HDLBP: variants seen among roughly 807,000 people sequenced by gnomAD.
HDLBP encodes vigilin.
HDLBP carries 30 observed loss-of-function variants against 137.3 expected under a neutral mutation model. That is an observed-to-expected ratio of 0.22 (90% CI 0.16 to 0.30). The LOEUF (loss-of-function observed/expected upper bound fraction) is 0.30. Among genes scored for constraint, HDLBP ranks in the 10% least tolerant of loss-of-function variants. HDLBP has a pLI of 1.00. For synonymous variants in HDLBP, 606 were observed against 596.0 expected, an observed-to-expected ratio of 1.02 and a Z score of -0.24; for missense variants, 1,119 against 1,667.3, an observed-to-expected ratio of 0.67 and a Z score of 5.73.
At chr2:241,290,862 A>ATAT (rs1219617917) in intron 1 of HDLBP, among the ~76,000 whole-genome samples, 2 of 152,270 alleles carry the variant, frequency 1.3e-5, no homozygotes, top group South Asian at 2.1e-4. Flanking sequence ...ATTTGACAAT[A>ATAT]TATTCCAAAT....
chr2:241,294,767 TAC>T (rs948660024), intron 1 of HDLBP, among the ~76,000 whole-genome samples: 2 of 152,172 alleles, frequency 1.3e-5, no homozygotes, highest in African/African-American at 4.8e-5. Flanking sequence ...GTTCTAGGGA[TAC>T]AGTTTTAAAA....
chr2:241,270,704 C>T (rs990661463), intron 1 of HDLBP, among the ~76,000 whole-genome samples: 9 of 152,196 alleles, frequency 5.9e-5, no homozygotes, highest in Non-Finnish European at 8.8e-5. Flanking sequence ...ATGTCCACCC[C>T]GCACTGCTAC....
At chr2:241,263,453 C>G (rs952210196) in intron 4 of HDLBP, among the ~76,000 whole-genome samples, 7 of 152,036 alleles carry the variant, frequency 4.6e-5, no homozygotes, top group African/African-American at 1.5e-4. Flanking sequence ...GGGTCCCTCC[C>G]GTTGCTTTAT....
intron 1 of HDLBP, among the ~76,000 whole-genome samples, chr2:241,285,459 G>A (rs2074767858): frequency 1.3e-5 from 2 of 152,090 alleles, no homozygotes; most frequent in African/African-American, 2.4e-5. Context: ...CTCCATAAAC[G>A]ACCTGATGAA....
chr2:241,267,835 C>A lies in HDLBP; in HGVS notation c.-38+642G>T, dbSNP rs1039595218. ...ATCCCTCCAGGTGTGGGACAGAACT[C>A]GCACAGCAGGGGAAACCTGGCCCAA... On this transcript the variant is annotated intron_variant, in intron 2 of 27. Coordinates refer to ENST00000310931, the MANE Select transcript of HDLBP (RefSeq NM_005336.6). 2.8e-6 allele frequency: 4 copies of A among 1,442,460 alleles called. No homozygotes were observed. In the African/African-American group the frequency reaches 5.7e-5, roughly 20 times the overall value. The allele number at this position is 1,442,460 out of a possible 1,614,324, so 89.4% of individuals were successfully genotyped here. A position where few individuals can be genotyped will look rare whatever the true frequency, so the allele number is the denominator to read the frequency against.
chr2:241,237,471 GATGTAAATAA>G (rs1266718077), intron 20 of HDLBP, among the ~76,000 whole-genome samples: 1 of 152,198 alleles, frequency 6.6e-6, no homozygotes, highest in Non-Finnish European at 1.5e-5. Context: ...GGAGGTGTGT[GATGTAAATAA>G]ATGAGCAGGA....
Position 241,230,996 on chromosome 2 carries a change from T to C in HDLBP, c.3289-52A>G, listed in dbSNP as rs928147598. The C allele has an allele frequency of 1.3e-6, 2 of 1,541,058 alleles. No individual in the cohort carries two copies. The highest frequency in any genetic ancestry group is 1.8e-6 in the Non-Finnish European group (2 of 1,118,048). ...AGGGGATGCCTTACTGGGATTCCCG[T>C]CAGGGGCAAGAGCCGGCCCCCACTG... On this transcript the variant is annotated intron_variant, in intron 24 of 27. Coordinates refer to ENST00000310931, the MANE Select transcript of HDLBP (RefSeq NM_005336.6). This position sits in a 1 kb window ranked among gnomAD's most constrained non-coding sequence, Gnocchi z 5.0.
At chr2:241,305,969 C>T (rs2075557202) in intron 1 of HDLBP, among the ~76,000 whole-genome samples, 1 of 151,672 alleles carries the variant, frequency 6.6e-6, no homozygotes, top group African/African-American at 2.4e-5. Flanking sequence ...ACCGTGTTAG[C>T]CAGGATGGTC....
chr2:241,272,365 G>T lies in HDLBP; in HGVS notation c.-102-3824C>A. 1.0e-6 allele frequency: 1 copy of T among 984,198 alleles called. No individual in the cohort carries two copies. Among genetic ancestry groups the T allele is most frequent in the South Asian group, 4.8e-5 (1 of 20,798 alleles). The allele number at this position is 984,198 out of a possible 1,614,324, so 61.0% of individuals were successfully genotyped here. A position where few individuals can be genotyped will look rare whatever the true frequency, so the allele number is the denominator to read the frequency against. On this transcript the variant is annotated intron_variant, in intron 1 of 27. Coordinates refer to ENST00000310931, the MANE Select transcript of HDLBP (RefSeq NM_005336.6). This position sits in a 1 kb window ranked among gnomAD's most constrained non-coding sequence, Gnocchi z 5.6. ...GGCCCCGCCAACGTCAGCGACCTGG[G>T]CTCAGGTCGGCCGCCCCTCCGCGCC...
chr2:241,264,376 G>GA, intron 4 of HDLBP, 72 bp downstream of exon 4: 11 of 953,010 alleles, frequency 1.2e-5, no homozygotes, highest in Non-Finnish European at 1.7e-5. Context: ...AAAAAAAAAA[G>GA]AAAAAAAATT....
At chr2:241,248,160 A>G in intron 13 of HDLBP, 44 bp from the exon 14 acceptor site, 1 of 1,557,402 alleles carries the variant, frequency 6.4e-7, no homozygotes, top group Non-Finnish European at 8.9e-7. Context: ...ATGAGGAAGG[A>G]CATATATCCC....
chr2:241,292,444 G>A (rs1237763994), intron 1 of HDLBP, among the ~76,000 whole-genome samples: 1 of 152,198 alleles, frequency 6.6e-6, no homozygotes, highest in Admixed American at 6.5e-5. Flanking sequence ...AATGCAATGT[G>A]GAGACCTTCT....
intron 1 of HDLBP, among the ~76,000 whole-genome samples, chr2:241,305,468 T>C (rs913261218): frequency 1.3e-5 from 2 of 152,272 alleles, no homozygotes; most frequent in East Asian, 3.9e-4. Context: ...GTGATGGCTA[T>C]ACCCTAGAGC....
chr2:241,278,506 C>T (rs1047588635), intron 1 of HDLBP, among the ~76,000 whole-genome samples: 3 of 151,976 alleles, frequency 2.0e-5, no homozygotes, highest in Non-Finnish European at 4.4e-5. Context: ...TTGCTTGAAC[C>T]CGGGAGGTGG....
At chr2:241,263,176 T>C (rs2073340523) in intron 4 of HDLBP, among the ~76,000 whole-genome samples, 1 of 152,146 alleles carries the variant, frequency 6.6e-6, no homozygotes, top group Non-Finnish European at 1.5e-5. Context: ...AGTGCTGTGA[T>C]GAAATCAACA....
chr2:241,242,352 G>C (rs2071324523), intron 17 of HDLBP, 108 bp downstream of exon 17: 1 of 925,550 alleles, frequency 1.1e-6, no homozygotes, highest in East Asian at 2.6e-5. Flanking sequence ...GCTGTTTTCT[G>C]ACCCGCCACA....
intron 1 of HDLBP, among the ~76,000 whole-genome samples, chr2:241,302,349 G>C (rs1321277152): frequency 6.6e-6 from 1 of 152,076 alleles, no homozygotes; most frequent in Non-Finnish European, 1.5e-5. Context: ...CTTGAGTCCA[G>C]GAGTACAAGA....
At chr2:241,291,488 T>C (rs1027458223) in intron 1 of HDLBP, among the ~76,000 whole-genome samples, 1 of 152,066 alleles carries the variant, frequency 6.6e-6, no homozygotes, top group African/African-American at 2.4e-5. Context: ...TAGGGGGAAA[T>C]GCTACAGAAA....
intron 12 of HDLBP, chr2:241,249,466 G>A (rs976629914): frequency 2.9e-5 from 14 of 488,238 alleles, no homozygotes; most frequent in Non-Finnish European, 5.0e-5. Flanking sequence ...CCCACTTCAG[G>A]TTTGCAGTGA....
Sources: allele counts gnomAD v4.1 joint callset (sites outside exome capture counted in the v4.1 genomes callset), GRCh38; gene constraint gnomAD v4.1.1; non-coding constraint Gnocchi (gnomAD v3.1); transcripts MANE v1.5; gene names NCBI Gene and HGNC (gene_info 2026-07-23, HGNC 2026-07-21).